Variants in ABHD17B observed in about 807,000 individuals in gnomAD.
ABHD17B encodes alpha/beta hydrolase domain-containing protein 17B.
Under a neutral mutation model 26.2 loss-of-function variants are expected in ABHD17B, and 9 were observed. That is an observed-to-expected ratio of 0.34 (90% CI 0.21 to 0.60). The LOEUF (loss-of-function observed/expected upper bound fraction) is 0.60. ABHD17B is among the 20% of genes least tolerant of loss of function. ABHD17B has a pLI of 0.80. For synonymous variants in ABHD17B, 127 were observed against 122.3 expected, an observed-to-expected ratio of 1.04 and a Z score of -0.25; for missense variants, 224 against 352.1, an observed-to-expected ratio of 0.64 and a Z score of 2.91.
intron 1 of ABHD17B, among the ~76,000 whole-genome samples, chr9:71,886,451 A>T (rs1026812444): frequency 6.6e-6 from 1 of 150,488 alleles, no homozygotes; most frequent in Non-Finnish European, 1.5e-5. Context: ...CCACTAACTC[A>T]CTAACTACAA....
chr9:71,886,884 A>C (rs1826626785), intron 1 of ABHD17B, among the ~76,000 whole-genome samples: 1 of 152,114 alleles, frequency 6.6e-6, no homozygotes, highest in Non-Finnish European at 1.5e-5. Context: ...AAAAATATTA[A>C]TGTTTTAATA....
chr9:71,888,080 T>G lies in ABHD17B; in HGVS notation c.-3-12997A>C, dbSNP rs533899539. ...CTATTAGCTAATGAATTTCTGAACA[T>G]AGTCCAAAACAGTATCCTAAACACT... is the stretch of plus-strand genomic sequence containing the variant. On this transcript the variant is annotated intron_variant, in intron 1 of 3. Transcript: ENST00000333421. 8.5e-5 allele frequency among the ~76,000 whole-genome samples: 13 copies of G among 152,340 alleles called. No homozygotes were observed. In the South Asian group the frequency reaches 1.2e-3, roughly 15 times the overall value.
intron 1 of ABHD17B, among the ~76,000 whole-genome samples, chr9:71,882,191 A>C (rs1467756874): frequency 6.6e-6 from 1 of 152,248 alleles, no homozygotes; most frequent in Non-Finnish European, 1.5e-5. Context: ...ATTAGAAAAC[A>C]ATCTGATATT....
At chr9:71,867,321 A>C (rs1307972697) in intron 3 of ABHD17B, among the ~76,000 whole-genome samples, 1 of 152,242 alleles carries the variant, frequency 6.6e-6, no homozygotes, top group Non-Finnish European at 1.5e-5. Context: ...GTCCAGAAGA[A>C]GAGAAAATTT....
At chr9:71,885,450 ACTCTGTCTCCAAAAAAAAAAAAAAAAGG>A (rs1826578783) in intron 1 of ABHD17B, among the ~76,000 whole-genome samples, 1 of 99,930 alleles carries the variant, frequency 1.0e-5, no homozygotes, top group Non-Finnish European at 2.0e-5. Flanking sequence ...ACAGAACAAG[ACTCTGTCTCCAAAAAAAAAAAAAAAAGG>A]GGGTCACCTC....
chr9:71,898,228 A>G (rs1827015352), intron 1 of ABHD17B, among the ~76,000 whole-genome samples: 1 of 152,256 alleles, frequency 6.6e-6, no homozygotes, highest in African/African-American at 2.4e-5. Flanking sequence ...GAGAATTAGA[A>G]CTTCATTTAG....
intron 3 of ABHD17B, 74 bp downstream of exon 3, chr9:71,870,009 G>A: frequency 6.0e-6 from 8 of 1,331,276 alleles, no homozygotes; most frequent in Non-Finnish European, 8.3e-6. Flanking sequence ...AGTGAACTGT[G>A]TCATGAATAC....
chr9:71,864,222 T>TTC (rs1825896061), downstream of ABHD17B, among the ~76,000 whole-genome samples: 1 of 130,030 alleles, frequency 7.7e-6, no homozygotes, highest in African/African-American at 2.9e-5. Context: ...TCTTTTTTTT[T>TTC]TTTTTTTTTT....
intron 1 of ABHD17B, among the ~76,000 whole-genome samples, chr9:71,910,066 G>A (rs1298334420): frequency 6.6e-6 from 1 of 151,940 alleles, no homozygotes; most frequent in African/African-American, 2.4e-5. Flanking sequence ...TAAGATTAAA[G>A]CCCAACCATC....
At chr9:71,893,012 C>T (rs1415314607) in intron 1 of ABHD17B, among the ~76,000 whole-genome samples, 1 of 152,192 alleles carries the variant, frequency 6.6e-6, no homozygotes, top group African/African-American at 2.4e-5. Context: ...GTACCTCATA[C>T]AAGTGGAATT....
intron 3 of ABHD17B, among the ~76,000 whole-genome samples, chr9:71,867,311 G>A (rs1825985557): frequency 6.6e-6 from 1 of 152,156 alleles, no homozygotes; most frequent in South Asian, 2.1e-4. Context: ...AAACTTAGGT[G>A]TCCAGAAGAA....
At chr9:71,877,923 C>T (rs894820029) in intron 1 of ABHD17B, among the ~76,000 whole-genome samples, 1 of 152,086 alleles carries the variant, frequency 6.6e-6, no homozygotes, top group Non-Finnish European at 1.5e-5. Context: ...TGCCCAAAAG[C>T]CAGATAACTG....
intron 1 of ABHD17B, among the ~76,000 whole-genome samples, chr9:71,890,265 GGGT>G (rs1826743597): frequency 2.6e-5 from 4 of 152,062 alleles, no homozygotes; most frequent in Non-Finnish European, 2.9e-5. Context: ...ATTCCAGCCT[GGGT>G]GACAGAGCTG....
downstream of ABHD17B, chr9:71,862,452 T>C (rs951782248): frequency 1.9e-6 from 2 of 1,073,618 alleles, no homozygotes; most frequent in African/African-American, 3.3e-5. Flanking sequence ...GTGACTAACA[T>C]TGGAGAGCAA....
intron 1 of ABHD17B, among the ~76,000 whole-genome samples, chr9:71,899,347 T>C (rs1315680101): frequency 6.6e-6 from 1 of 152,192 alleles, no homozygotes; most frequent in African/African-American, 2.4e-5. Flanking sequence ...TTATTTGAGA[T>C]GAATCTCATA....
chr9:71,874,495 T>C (rs1367182389), intron 2 of ABHD17B, 119 bp downstream of exon 2: 1 of 720,376 alleles, frequency 1.4e-6, no homozygotes, highest in Non-Finnish European at 2.2e-6. Flanking sequence ...TATATAATAG[T>C]AAATATAACC....
chr9:71,871,881 G>C (rs1826124884), intron 2 of ABHD17B, among the ~76,000 whole-genome samples: 1 of 152,140 alleles, frequency 6.6e-6, no homozygotes, highest in African/African-American at 2.4e-5. Context: ...GTGAATGCCA[G>C]GCCCCGAGTT....
chr9:71,895,397 T>C (rs1826924603), intron 1 of ABHD17B, among the ~76,000 whole-genome samples: 1 of 152,228 alleles, frequency 6.6e-6, no homozygotes, highest in African/African-American at 2.4e-5. Context: ...ACTAGACCAG[T>C]ACTTACTTGC....
chr9:71,869,998 G>C (rs1326310887), intron 3 of ABHD17B, 85 bp downstream of exon 3: 1 of 1,221,666 alleles, frequency 8.2e-7, no homozygotes, highest in East Asian at 2.4e-5. Context: ...GTTTATGGTT[G>C]AGTGAACTGT....
Sources: allele counts gnomAD v4.1 joint callset (sites outside exome capture counted in the v4.1 genomes callset), GRCh38; gene constraint gnomAD v4.1.1; transcripts MANE v1.5; gene names NCBI Gene and HGNC (gene_info 2026-07-23, HGNC 2026-07-21).